CPB2: variants seen among roughly 807,000 people sequenced by gnomAD.
The protein encoded by CPB2 is carboxypeptidase B-like protein.
CPB2 carries 54 observed loss-of-function variants against 57.0 expected under a neutral mutation model. The ratio of observed to expected loss-of-function variants is 0.95; its 90% CI spans 0.76 to 1.19. The LOEUF is 1.19. Ranked by LOEUF, CPB2 falls within the 50% of genes most tolerant of loss-of-function variation. The pLI, the probability that CPB2 is intolerant of heterozygous loss-of-function variation, is 0.00. For synonymous variants in CPB2, 189 were observed against 178.1 expected (o/e 1.06, Z -0.49); for missense variants, 426 against 512.0 (o/e 0.83, Z 1.62).
Position 46,073,327 on chromosome 13 carries a change from G to A in CPB2, c.591+546C>T, listed in dbSNP as rs138701067. ...TCATTCATCAGGGAGGTTAATAGTC[G>A]TTATATCTTTTACTTTTCCAACATA... is the stretch of plus-strand genomic sequence containing the variant. On this transcript the variant is annotated intron_variant, in intron 6 of 10. Coordinates refer to ENST00000181383, the MANE Select transcript of CPB2 (RefSeq NM_001872.5). The A allele has an allele frequency of 8.3e-4, 165 of 199,486 alleles. 1 individual carries two copies. In the East Asian group the frequency reaches 0.016, roughly 20 times the overall value. The allele number at this position is 199,486 out of a possible 1,614,324, so 12.4% of individuals were successfully genotyped here.
intron 6 of CPB2, among the ~76,000 whole-genome samples, chr13:46,071,122 A>T (rs1362458631): frequency 6.6e-6 from 1 of 152,186 alleles, no homozygotes; most frequent in Non-Finnish European, 1.5e-5. Context: ...AATTCTGTGG[A>T]GTGTTTGGGG....
Position 46,104,953 on chromosome 13 carries a change from A to T in CPB2, c.57T>A (p.His19Gln). 6.2e-7 allele frequency: 1 copy of T among 1,614,034 alleles called. No individual in the cohort carries two copies. The highest frequency in any genetic ancestry group is 8.5e-7 in the Non-Finnish European group (1 of 1,179,902). The change falls in exon 1 of 11, where the codon CAT becomes CAA. Residue 19 changes from histidine to glutamine, a missense_variant. By Grantham distance (24) the His-to-Gln change is conservative. Transcript: ENST00000181383. ...LVPIVLFCEQ[H>Q]VFAFQSGQVL... is the part of the protein sequence containing the mutation. The stretch of plus-strand genomic sequence containing the variant: ...TGGGTTACCTCTGAAACGCGAAGAC[A>T]TGCTGCTCACAGAAGAGAACAATGG...
chr13:46,072,083 T>C (rs2044951127), intron 6 of CPB2, among the ~76,000 whole-genome samples: 1 of 152,192 alleles, frequency 6.6e-6, no homozygotes, highest in African/African-American at 2.4e-5. Context: ...AGCTCTGCCT[T>C]TGCGGAAAGA....
intron 1 of CPB2, among the ~76,000 whole-genome samples, chr13:46,102,674 G>T (rs1489935564): frequency 6.8e-6 from 1 of 148,054 alleles, no homozygotes; most frequent in Non-Finnish European, 1.5e-5. Flanking sequence ...AATGAAATTA[G>T]ATTTCCTTTT....
chr13:46,101,964 T>C (rs2045439844), intron 1 of CPB2, among the ~76,000 whole-genome samples: 2 of 152,364 alleles, frequency 1.3e-5, no homozygotes, highest in South Asian at 4.1e-4. Context: ...GCAAGATGTC[T>C]CTGAACAATG....
At chr13:46,084,144 A>G in intron 3 of CPB2, 75 bp downstream of exon 3, 2 of 1,540,702 alleles carry the variant, frequency 1.3e-6, no homozygotes, top group Non-Finnish European at 1.8e-6. Context: ...TCCAGGAAGC[A>G]ATTATACCAT....
chr13:46,084,371 A>G, intron 2 of CPB2, 28 bp from the exon 3 acceptor site: 1 of 1,612,752 alleles, frequency 6.2e-7, no homozygotes, highest in Non-Finnish European at 8.5e-7. Flanking sequence ...AAATTGATAA[A>G]ATTAAAAAAG....
At chr13:46,082,359 G>T in intron 4 of CPB2, 82 bp downstream of exon 4, 1 of 768,088 alleles carries the variant, frequency 1.3e-6, no homozygotes, top group Non-Finnish European at 2.1e-6. Flanking sequence ...CACCAATTAT[G>T]ATTCTTGAAT....
intron 2 of CPB2, among the ~76,000 whole-genome samples, chr13:46,085,413 G>C (rs2045187790): frequency 6.6e-6 from 1 of 152,148 alleles, no homozygotes; most frequent in Admixed American, 6.5e-5. Context: ...CAGTTGGCTG[G>C]TGTTTTCAGT....
At chr13:46,094,032 A>G (rs1020136058) in intron 1 of CPB2, among the ~76,000 whole-genome samples, 36 of 152,282 alleles carry the variant, frequency 2.4e-4, no homozygotes, top group African/African-American at 8.4e-4. Context: ...AGAAAATTAA[A>G]TTTAAAGAAA....
At chr13:46,103,988 G>A (rs1431528931) in intron 1 of CPB2, among the ~76,000 whole-genome samples, 1 of 152,168 alleles carries the variant, frequency 6.6e-6, no homozygotes, top group Non-Finnish European at 1.5e-5. Context: ...TTGAACAAAA[G>A]AAGATCAATC....
At chr13:46,076,537 T>C (rs1433142060) in intron 5 of CPB2, among the ~76,000 whole-genome samples, 1 of 152,104 alleles carries the variant, frequency 6.6e-6, no homozygotes, top group Non-Finnish European at 1.5e-5. Context: ...AGAATTAATA[T>C]TGTTAAAATG....
intron 1 of CPB2, chr13:46,094,844 C>T (rs1020397557): frequency 6.6e-6 from 1 of 152,154 alleles, no homozygotes; most frequent in Non-Finnish European, 1.5e-5. Context: ...ATCCATTGCC[C>T]TTTTCCAGAT....
At chr13:46,082,602 C>T (rs1346212802) in intron 3 of CPB2, 53 bp from the exon 4 acceptor site, 2 of 1,148,616 alleles carry the variant, frequency 1.7e-6, no homozygotes, top group African/African-American at 3.1e-5. Flanking sequence ...GTGGATCTTC[C>T]CACATGGCCC....
intron 10 of CPB2, 83 bp from the exon 11 acceptor site, chr13:46,053,881 ATTTG>A (rs1262167876): frequency 1.9e-5 from 25 of 1,333,482 alleles, no homozygotes; most frequent in South Asian, 2.7e-5. Flanking sequence ...TTAAATGTTT[ATTTG>A]TTTGTATACC....
At chr13:46,083,158 C>G (rs2045146403) in intron 3 of CPB2, among the ~76,000 whole-genome samples, 1 of 152,022 alleles carries the variant, frequency 6.6e-6, no homozygotes, top group Admixed American at 6.6e-5. Context: ...TGAAAGTTAG[C>G]TATCATACTA....
intron 1 of CPB2, chr13:46,097,524 A>C (rs1465914372): frequency 1.3e-5 from 2 of 152,242 alleles, no homozygotes; most frequent in Non-Finnish European, 2.9e-5. Flanking sequence ...AAAACATCTC[A>C]CATAACATCC....
At position 46,087,426 on chromosome 13, in the gene CPB2, C is replaced by T. The variant is rs369867883; in HGVS notation, c.150+319G>A. Among the ~76,000 whole-genome samples the T allele has an allele frequency of 2.6e-5, 4 of 152,362 alleles. No individual in the cohort carries two copies. In the East Asian group the frequency reaches 7.7e-4, roughly 29 times the overall value. On this transcript the variant is annotated intron_variant, in intron 2 of 10. Transcript: ENST00000181383. Reference sequence around the variant, plus strand: ...AATGTACTCTGTCTTTCTGGTGCATCCTTGGTTAAGAACCATTGTTTCATG... The same window carrying T: ...AATGTACTCTGTCTTTCTGGTGCATTCTTGGTTAAGAACCATTGTTTCATG...
chr13:46,077,891 C>G (rs2045047929), intron 5 of CPB2, among the ~76,000 whole-genome samples: 1 of 151,504 alleles, frequency 6.6e-6, no homozygotes, highest in South Asian at 2.1e-4. Flanking sequence ...AAACGTTGAT[C>G]TCATAGAGGT....
Sources: allele counts gnomAD v4.1 joint callset (sites outside exome capture counted in the v4.1 genomes callset), GRCh38; gene constraint gnomAD v4.1.1; transcripts MANE v1.5; gene names NCBI Gene and HGNC (gene_info 2026-07-23, HGNC 2026-07-21).